Variants in GPRC6A observed in about 807,000 individuals in gnomAD.
The protein encoded by GPRC6A is G protein-coupled receptor family C group 6 member A.
Under a neutral mutation model 47.0 loss-of-function variants are expected in GPRC6A, and 54 were observed. The observed-to-expected ratio is 1.15, with a 90% CI of 0.92 to 1.44. The LOEUF (loss-of-function observed/expected upper bound fraction) is 1.44. Ranked by LOEUF, GPRC6A falls within the 40% of genes most tolerant of loss-of-function variation. The pLI is 0.00. For missense variants in GPRC6A, 1,112 were observed against 1,105.5 expected, an observed-to-expected ratio of 1.01 and a Z score of -0.08; for synonymous variants, 347 against 377.1, an observed-to-expected ratio of 0.92 and a Z score of 0.93.
chr6:116,822,870 A>G (rs1471699323), intron 1 of GPRC6A, among the ~76,000 whole-genome samples: 1 of 150,366 alleles, frequency 6.7e-6, no homozygotes, highest in Non-Finnish European at 1.5e-5. Context: ...TAATAAAAAA[A>G]AAGAAACAAT....
chr6:116,824,612 A>G (rs1392960997), intron 1 of GPRC6A, among the ~76,000 whole-genome samples: 3 of 152,012 alleles, frequency 2.0e-5, no homozygotes, highest in Non-Finnish European at 4.4e-5. Context: ...AAAGCCCCCA[A>G]TAAATAATAG....
intron 2 of GPRC6A, 26 bp downstream of exon 2, chr6:116,809,288 A>G (rs1370090069): frequency 1.3e-6 from 2 of 1,577,064 alleles, no homozygotes; most frequent in Non-Finnish European, 1.7e-6. Flanking sequence ...ATCAAAAGCA[A>G]TGTTTGGAGG....
At chr6:116,813,166 A>C (rs1773083792) in intron 1 of GPRC6A, among the ~76,000 whole-genome samples, 1 of 152,224 alleles carries the variant, frequency 6.6e-6, no homozygotes, top group Non-Finnish European at 1.5e-5. Flanking sequence ...CAATATCATG[A>C]AAATGGCCAT....
chr6:116,799,250 A>G (rs1772586763), intron 4 of GPRC6A, among the ~76,000 whole-genome samples: 1 of 152,162 alleles, frequency 6.6e-6, no homozygotes, highest in African/African-American at 2.4e-5. Context: ...CAGAAGATAA[A>G]AATCTAATAG....
rs753372835 is a variant in GPRC6A at position 116,828,968 on chromosome 6, C to T, written c.46G>A (p.Ala16Thr). Residue 16 changes from alanine (A) to threonine (T), a missense_variant, in exon 1 of 6, where the codon GCT becomes ACT. Coordinates refer to ENST00000310357, the MANE Select transcript of GPRC6A (RefSeq NM_148963.4). ...ILITCFVIIL[A>T]TSQPCQTPDD... ...GGGGTCTGGCAAGGCTGTGAAGTAG[C>T]AAGAATAATCACAAAGCAGGTAATT... The T allele has an allele frequency of 6.2e-7, 1 of 1,612,854 alleles. No individual in the cohort carries two copies. The highest frequency in any genetic ancestry group is 8.5e-7 in the Non-Finnish European group (1 of 1,179,332).
chr6:116,808,481 A>G (rs756704656), intron 2 of GPRC6A, among the ~76,000 whole-genome samples: 1 of 152,078 alleles, frequency 6.6e-6, no homozygotes, highest in Non-Finnish European at 1.5e-5. Flanking sequence ...TTTGGATTAA[A>G]TTTTTTATTA....
At chr6:116,825,892 C>T (rs988375348) in intron 1 of GPRC6A, among the ~76,000 whole-genome samples, 5 of 151,872 alleles carry the variant, frequency 3.3e-5, no homozygotes, top group Non-Finnish European at 2.9e-5. Flanking sequence ...AAAAGTAAAT[C>T]CACATATTTA....
In GPRC6A at chr6:116,812,545, G is replaced by A. The variant is rs151040140; in HGVS notation, c.195-2928C>T. 6.6e-3 allele frequency among the ~76,000 whole-genome samples: 1,006 copies of A among 152,134 alleles called. 11 individuals are homozygous for A. The highest frequency in any genetic ancestry group is 0.024 in the Middle Eastern group (7 of 294). On this transcript the variant is annotated intron_variant, in intron 1 of 5. Transcript: ENST00000310357. ...ACAACATAGAATATATAAAACAAACGGTAAGCAAGAACATGACAGGAACAA... is the reference window on the plus strand; with the variant it reads ...ACAACATAGAATATATAAAACAAACAGTAAGCAAGAACATGACAGGAACAA...
chr6:116,806,064 T>A (rs554764431), intron 3 of GPRC6A, among the ~76,000 whole-genome samples: 1 of 152,210 alleles, frequency 6.6e-6, no homozygotes, highest in South Asian at 2.1e-4. Flanking sequence ...TTGTGTTTTT[T>A]AAGAGCATTT....
intron 1 of GPRC6A, among the ~76,000 whole-genome samples, chr6:116,820,867 G>A (rs1256077695): frequency 5.9e-5 from 9 of 151,424 alleles, no homozygotes; most frequent in African/African-American, 1.9e-4. Context: ...AGGGCAATTA[G>A]GCAGGAGAAG....
rs971396061 is a variant in GPRC6A, at chr6:116,800,728, C to T, written c.1404G>A (p.Gly468=). 2.5e-6 allele frequency: 4 copies of T among 1,611,444 alleles called. No individual in the cohort carries two copies. In the East Asian group the frequency reaches 8.9e-5, roughly 36 times the overall value. Residue 468 remains glycine, a synonymous_variant, in exon 4 of 6, where the codon GGG becomes GGA. Transcript: ENST00000310357. The part of the protein sequence containing the change: ...GWNSFHFDAH[G]DLNTGYDVVL... The stretch of plus-strand genomic sequence containing the variant: ...CAACATCATATCCAGTATTTAAATC[C>T]CCGTGAGCATCAAAATGAAATGAAT...
chr6:116,810,463 G>T (rs926966908), intron 1 of GPRC6A, among the ~76,000 whole-genome samples: 2 of 151,920 alleles, frequency 1.3e-5, no homozygotes, highest in African/African-American at 4.8e-5. Flanking sequence ...GATATAGCCA[G>T]ATTAAATTTT....
In GPRC6A at chr6:116,792,095, A is replaced by G. The variant is rs578232511; in HGVS notation, c.*47T>C. The stretch of plus-strand genomic sequence containing the variant: ...GTAAATTTATATCTTAGATGCAAAG[A>G]CCCTGGAAACATTTTATTCTGGAAT... On this transcript the variant is annotated 3_prime_UTR_variant, in exon 6 of 6. Transcript: ENST00000310357. 1 of 1,489,730 alleles carries G rather than the reference A, an allele frequency of 6.7e-7. No individual in the cohort carries two copies. The highest frequency in any genetic ancestry group is 1.3e-5 in the South Asian group (1 of 77,106). 92.3% of individuals were successfully genotyped at this position (1,489,730 alleles called of 1,614,324 possible). A position where few individuals can be genotyped will look rare whatever the true frequency, so the allele number is the denominator to read the frequency against.
At chr6:116,808,601 C>A (rs1011134586) in intron 2 of GPRC6A, among the ~76,000 whole-genome samples, 4 of 152,060 alleles carry the variant, frequency 2.6e-5, no homozygotes, top group Non-Finnish European at 5.9e-5. Flanking sequence ...TATACACATT[C>A]ATTATGTTAT....
chr6:116,799,146 G>C (rs1772582350), intron 4 of GPRC6A, among the ~76,000 whole-genome samples: 1 of 152,158 alleles, frequency 6.6e-6, no homozygotes, highest in African/African-American at 2.4e-5. Flanking sequence ...GGTTGGGAGA[G>C]AATATCAGTT....
In GPRC6A at chr6:116,809,581, C is replaced by T. The variant is rs149855100; in HGVS notation, c.231G>A (p.Met77Ile). 3.1e-6 allele frequency: 5 copies of T among 1,611,756 alleles called. No homozygotes were observed. Among genetic ancestry groups the T allele is most frequent in the South Asian group, 1.1e-5 (1 of 90,958 alleles). ...TGTTGATCATCTCAATGCTGTGTAT[C>T]ATGGCAAGAGTTTGAAGAAAAACTG... ...EISVFLQTLAMIHSIEMINNS... is the reference protein window; with the variant it reads ...EISVFLQTLAIIHSIEMINNS... Residue 77 changes from methionine (M) to isoleucine (I), a missense_variant, in exon 2 of 6, where the codon ATG becomes ATA. Met to Ile is a conservative substitution (Grantham distance 10). Coordinates refer to ENST00000310357, the MANE Select transcript of GPRC6A (RefSeq NM_148963.4).
At chr6:116,813,710 T>C (rs1407683894) in intron 1 of GPRC6A, among the ~76,000 whole-genome samples, 1 of 152,174 alleles carries the variant, frequency 6.6e-6, no homozygotes, top group Non-Finnish European at 1.5e-5. Flanking sequence ...AAGGACTTCA[T>C]GACTAAAACA....
chr6:116,815,328 C>T (rs556130681), intron 1 of GPRC6A, among the ~76,000 whole-genome samples: 39 of 152,150 alleles, frequency 2.6e-4, no homozygotes, highest in Non-Finnish European at 5.6e-4. Flanking sequence ...ACTAAAAATA[C>T]AAAAATTAGC....
intron 1 of GPRC6A, among the ~76,000 whole-genome samples, chr6:116,824,204 A>G (rs947770893): frequency 2.6e-5 from 4 of 152,064 alleles, no homozygotes; most frequent in Admixed American, 2.6e-4. Context: ...AAAGCAAAAA[A>G]ACATAAAACC....
Sources: allele counts gnomAD v4.1 joint callset (sites outside exome capture counted in the v4.1 genomes callset), GRCh38; gene constraint gnomAD v4.1.1; transcripts MANE v1.5; gene names NCBI Gene and HGNC (gene_info 2026-07-23, HGNC 2026-07-21).